Variants in GPR158 observed in about 807,000 individuals in gnomAD.
The protein encoded by GPR158 is metabotropic glycine receptor.
GPR158 carries 30 observed loss-of-function variants against 78.2 expected under a neutral mutation model. The ratio of observed to expected loss-of-function variants is 0.38; its 90% CI spans 0.29 to 0.52. GPR158 has a LOEUF of 0.52. GPR158 is among the 20% of genes least tolerant of loss of function. The pLI, the probability that GPR158 is intolerant of heterozygous loss-of-function variation, is 0.83. For synonymous variants in GPR158, 581 were observed against 591.1 expected, an observed-to-expected ratio of 0.98 and a Z score of 0.25; for missense variants, 1,463 against 1,523.5, an observed-to-expected ratio of 0.96 and a Z score of 0.66.
intron 2 of GPR158, among the ~76,000 whole-genome samples, chr10:25,313,505 A>T (rs184267166): frequency 0.012 from 1,754 of 146,350 alleles, 9 homozygotes; most frequent in Middle Eastern, 0.022. Context: ...AAAAAAAAAA[A>T]ATATATTTTA....
chr10:25,355,321 T>A (rs1204356328), intron 2 of GPR158, among the ~76,000 whole-genome samples: 2 of 152,096 alleles, frequency 1.3e-5, no homozygotes, highest in South Asian at 2.1e-4. Context: ...CTTTAATAAA[T>A]TTTTCAGTTC....
chr10:25,315,112 A>G (rs937005447), intron 2 of GPR158, among the ~76,000 whole-genome samples: 6 of 151,958 alleles, frequency 3.9e-5, no homozygotes, highest in Non-Finnish European at 7.4e-5. Flanking sequence ...ATAGCTCATG[A>G]GGATGAAAAG....
rs1564399858 is a variant in GPR158 at position 25,241,419 on chromosome 10, T to TCTCTTCTCTTC, written c.1008+20262_1008+20263insCTCTTCTCTTC. Reference sequence around the variant, plus strand: ...CTCTTCTCTTCTCTTCTCTTTTCTTTTCTTTTCTTTTCTTTTCTTTCGACA... The same window carrying TCTCTTCTCTTC: ...CTCTTCTCTTCTCTTCTCTTTTCTTTCTCTTCTCTTCTCTTTTCTTTTCTTTTCTTTCGACA... On this transcript the variant is annotated intron_variant, in intron 2 of 10. Transcript: ENST00000376351. Among the ~76,000 whole-genome samples, 244 of 88,354 alleles carry TCTCTTCTCTTC rather than the reference T, an allele frequency of 2.8e-3. 23 individuals carry two copies. Among genetic ancestry groups the TCTCTTCTCTTC allele is most frequent in the African/African-American group, 0.013 (238 of 18,344 alleles). The allele number at this position is 88,354 out of a possible 152,430, so 58.0% of individuals were successfully genotyped here. A position where few individuals can be genotyped will look rare whatever the true frequency, so the allele number is the denominator to read the frequency against.
intron 2 of GPR158, among the ~76,000 whole-genome samples, chr10:25,327,197 A>T (rs1855048157): frequency 6.6e-6 from 1 of 152,064 alleles, no homozygotes; most frequent in Non-Finnish European, 1.5e-5. Flanking sequence ...AAATGAAGAA[A>T]AACCACCCTA....
chr10:25,177,988 G>A (rs747962038), intron 1 of GPR158, among the ~76,000 whole-genome samples: 5 of 152,102 alleles, frequency 3.3e-5, no homozygotes, highest in African/African-American at 4.8e-5. Context: ...ACCAGCAGAT[G>A]CTATTCACTG....
At chr10:25,456,101 G>T (rs1835287667) in intron 4 of GPR158, among the ~76,000 whole-genome samples, 1 of 152,098 alleles carries the variant, frequency 6.6e-6, no homozygotes, top group African/African-American at 2.4e-5. Context: ...GTCTACCTTT[G>T]TTGCTTGCCT....
At chr10:25,235,790 G>A (rs191691855) in intron 2 of GPR158, among the ~76,000 whole-genome samples, 20 of 147,594 alleles carry the variant, frequency 1.4e-4, no homozygotes, top group Admixed American at 4.2e-4. Context: ...TCTACCTCCC[G>A]GGTTCACGCC....
At chr10:25,327,203 C>T (rs966880181) in intron 2 of GPR158, among the ~76,000 whole-genome samples, 7 of 151,870 alleles carry the variant, frequency 4.6e-5, no homozygotes, top group Non-Finnish European at 7.4e-5. Flanking sequence ...AGAAAAACCA[C>T]CCTAAATACC....
intron 2 of GPR158, among the ~76,000 whole-genome samples, chr10:25,380,964 ATAACCT>A (rs1370762603): frequency 2.6e-5 from 4 of 152,240 alleles, no homozygotes; most frequent in East Asian, 1.9e-4. Flanking sequence ...AAGTATGCAG[ATAACCT>A]TAACATTTGC....
At chr10:25,573,012 GT>G (rs1226602995) in intron 7 of GPR158, 125 bp downstream of exon 7, 1 of 667,170 alleles carries the variant, frequency 1.5e-6, no homozygotes, top group Admixed American at 2.5e-5. Context: ...TGTGATTCTG[GT>G]AAGATAACAT....
intron 7 of GPR158, among the ~76,000 whole-genome samples, chr10:25,579,005 G>C (rs908198532): frequency 6.7e-6 from 1 of 149,998 alleles, no homozygotes; most frequent in African/African-American, 2.5e-5. Context: ...GCAAGACTCC[G>C]TCTCAAAAAA....
At chr10:25,240,677 G>A (rs1167286978) in intron 2 of GPR158, among the ~76,000 whole-genome samples, 1 of 152,138 alleles carries the variant, frequency 6.6e-6, no homozygotes. Context: ...GGAATAAGCA[G>A]AACTTTATAT....
rs116504401 is a variant in GPR158, at chr10:25,268,746, T to A, written c.1008+47589T>A. Among the ~76,000 whole-genome samples the A allele has an allele frequency of 7.4e-3, 1,130 of 152,256 alleles. 10 individuals are homozygous for A. Among genetic ancestry groups the A allele is most frequent in the Middle Eastern group, 0.027 (8 of 294 alleles). On this transcript the variant is annotated intron_variant, in intron 2 of 10. Coordinates refer to ENST00000376351, the MANE Select transcript of GPR158 (RefSeq NM_020752.3). ...GATAGAATATAGAAGAGTAGAGTAATCATGCAGTAACCAAGCTGCCAACCT... is the reference window on the plus strand; with the variant it reads ...GATAGAATATAGAAGAGTAGAGTAAACATGCAGTAACCAAGCTGCCAACCT...
At position 25,527,023 on chromosome 10, in the gene GPR158, G is replaced by A. The variant is rs376341210; in HGVS notation, c.1405-23953G>A. Among the ~76,000 whole-genome samples, 95 of 152,242 alleles carry A rather than the reference G, an allele frequency of 6.2e-4. 1 individual carries two copies. Among genetic ancestry groups the A allele is most frequent in the Admixed American group, 9.8e-4 (15 of 15,300 alleles). ...TCAGACAAAATAGACTTCAAGAAAG[G>A]AGATATTCACAGAAAAAAAGAGGGA... On this transcript the variant is annotated intron_variant, in intron 5 of 10. Coordinates refer to ENST00000376351, the MANE Select transcript of GPR158 (RefSeq NM_020752.3).
chr10:25,518,116 G>C (rs1189204611), intron 5 of GPR158, among the ~76,000 whole-genome samples: 1 of 95,330 alleles, frequency 1.0e-5, no homozygotes, highest in Non-Finnish European at 2.1e-5. Flanking sequence ...TGTATGTGTC[G>C]AGGAATGTAT....
chr10:25,542,123 TTTTATTTCTTTTTG>T (rs1836595766), intron 5 of GPR158, among the ~76,000 whole-genome samples: 1 of 151,974 alleles, frequency 6.6e-6, no homozygotes, highest in Admixed American at 6.6e-5. Flanking sequence ...ATCTTTTTTC[TTTTATTTCTTTTTG>T]TAAGTAAAAC....
chr10:25,413,771 T>C (rs986055870), intron 4 of GPR158, among the ~76,000 whole-genome samples: 12 of 152,314 alleles, frequency 7.9e-5, no homozygotes, highest in African/African-American at 2.9e-4. Flanking sequence ...TTATAGACTT[T>C]GATAGTCATT....
intron 2 of GPR158, among the ~76,000 whole-genome samples, chr10:25,249,120 G>A (rs1372457112): frequency 2.6e-5 from 4 of 151,556 alleles, no homozygotes; most frequent in Admixed American, 2.6e-4. Context: ...TCTGTCTGTT[G>A]TTGGTGTATA....
chr10:25,423,425 A>G (rs1424596062), intron 4 of GPR158, among the ~76,000 whole-genome samples: 5 of 151,196 alleles, frequency 3.3e-5, no homozygotes, highest in African/African-American at 1.2e-4. Context: ...CCTAGGGTAC[A>G]TGTGCACAAT....
Sources: gnomAD v4.1 joint callset for allele counts (sites outside exome capture counted in the v4.1 genomes callset) on GRCh38, gnomAD v4.1.1 for gene constraint, MANE v1.5 for transcripts, NCBI Gene and HGNC (gene_info 2026-07-23, HGNC 2026-07-21) for gene names.